The following HS6ST3 variants were observed in gnomAD, a reference collection of about 807,000 sequenced individuals.
HS6ST3 encodes heparan sulfate 6-O-sulfotransferase 3.
Under a neutral mutation model 36.7 loss-of-function variants are expected in HS6ST3, and 12 were observed. The ratio of observed to expected loss-of-function variants is 0.33; its 90% CI spans 0.21 to 0.53. HS6ST3 has a LOEUF of 0.53. Among genes scored for constraint, HS6ST3 ranks in the 20% least tolerant of loss-of-function variants. The pLI, the probability that HS6ST3 is intolerant of heterozygous loss-of-function variation, is 0.95. For synonymous variants in HS6ST3, 240 were observed against 257.5 expected (o/e 0.93, Z 0.65); for missense variants, 584 against 640.9 (o/e 0.91, Z 0.96).
intron 1 of HS6ST3, among the ~76,000 whole-genome samples, chr13:96,253,551 C>A (rs1368273466): frequency 6.6e-6 from 1 of 152,180 alleles, no homozygotes; most frequent in Admixed American, 6.5e-5. Context: ...AAAGTACTCT[C>A]ATCCATGAGT....
At chr13:96,609,476 G>C (rs1039815399) in intron 1 of HS6ST3, among the ~76,000 whole-genome samples, 1 of 152,104 alleles carries the variant, frequency 6.6e-6, no homozygotes, top group Admixed American at 6.5e-5. Context: ...TGCATTCAGA[G>C]AGATGACACT....
At chr13:96,228,846 T>G (rs2054493756) in intron 1 of HS6ST3, among the ~76,000 whole-genome samples, 1 of 152,066 alleles carries the variant, frequency 6.6e-6, no homozygotes, top group African/African-American at 2.4e-5. Context: ...AAAACCATAC[T>G]AATTCTCTGG....
intron 1 of HS6ST3, among the ~76,000 whole-genome samples, chr13:96,735,985 C>T (rs994341059): frequency 1.3e-5 from 2 of 152,130 alleles, no homozygotes; most frequent in Non-Finnish European, 2.9e-5. Flanking sequence ...CCAAATATGG[C>T]ATGTTCTCAC....
At chr13:96,267,078 T>C (rs2054696219) in intron 1 of HS6ST3, among the ~76,000 whole-genome samples, 1 of 152,168 alleles carries the variant, frequency 6.6e-6, no homozygotes, top group African/African-American at 2.4e-5. Flanking sequence ...GGTCTCATGA[T>C]AGTGAATAAG....
chr13:96,508,398 T>C (rs981782366), intron 1 of HS6ST3, among the ~76,000 whole-genome samples: 2 of 152,082 alleles, frequency 1.3e-5, no homozygotes, highest in Non-Finnish European at 2.9e-5. Flanking sequence ...ACAGTAGCTT[T>C]TGGGGCACTA....
At position 96,792,100 on chromosome 13, in the gene HS6ST3, T is replaced by A. The variant is rs1261005931; in HGVS notation, c.708-40390T>A. Among the ~76,000 whole-genome samples the A allele has an allele frequency of 4.6e-5, 7 of 152,050 alleles. No homozygotes were observed. In the East Asian group the frequency reaches 1.4e-3, roughly 29 times the overall value. ...CTCTAGGTCTAAAATGAAAAATAAT[T>A]GTCATTTCACTACAAGTTAAAAGAA... On this transcript the variant is annotated intron_variant, in intron 1 of 1. Coordinates refer to ENST00000376705, the MANE Select transcript of HS6ST3 (RefSeq NM_153456.4).
At chr13:96,293,221 T>C (rs1409537777) in intron 1 of HS6ST3, among the ~76,000 whole-genome samples, 1 of 152,148 alleles carries the variant, frequency 6.6e-6, no homozygotes, top group South Asian at 2.1e-4. Context: ...ACTCTACTAA[T>C]AGTTTTTGAA....
At chr13:96,328,188 A>AT (rs1463991573) in intron 1 of HS6ST3, among the ~76,000 whole-genome samples, 2 of 143,046 alleles carry the variant, frequency 1.4e-5, no homozygotes, top group Non-Finnish European at 3.1e-5. Flanking sequence ...CTCCTGCCTA[A>AT]TTGCCCTGGC....
intron 1 of HS6ST3, among the ~76,000 whole-genome samples, chr13:96,541,514 G>A (rs1377734369): frequency 1.3e-5 from 2 of 152,062 alleles, no homozygotes; most frequent in African/African-American, 4.8e-5. Flanking sequence ...CTGATTTTAG[G>A]GCTTAACACA....
chr13:96,139,567 A>AAAAAAAAAAAAAAAAAAAAAAAAAAAT (rs1491242538), intron 1 of HS6ST3, among the ~76,000 whole-genome samples: 4 of 138,696 alleles, frequency 2.9e-5, no homozygotes, highest in African/African-American at 1.1e-4. Flanking sequence ...AAAAAAAAAA[A>AAAAAAAAAAAAAAAAAAAAAAAAAAAT]TCCATGTATA....
intron 1 of HS6ST3, among the ~76,000 whole-genome samples, chr13:96,445,246 A>G (rs939628706): frequency 1.5e-4 from 23 of 152,206 alleles, no homozygotes; most frequent in Non-Finnish European, 2.9e-5. Context: ...AGAAGAAAAC[A>G]TTGAAGCTAT....
chr13:96,300,753 T>C (rs966348766), intron 1 of HS6ST3, among the ~76,000 whole-genome samples: 15 of 152,208 alleles, frequency 9.9e-5, no homozygotes, highest in Non-Finnish European at 7.3e-5. Context: ...TCATAAAATA[T>C]GTTTGCTCTG....
intron 1 of HS6ST3, among the ~76,000 whole-genome samples, chr13:96,409,754 C>T (rs2055497876): frequency 6.6e-6 from 1 of 152,106 alleles, no homozygotes; most frequent in South Asian, 2.1e-4. Flanking sequence ...TGGAATTAGA[C>T]ACCAAGAAGT....
chr13:96,810,153 C>T lies in HS6ST3; in HGVS notation c.708-22337C>T, dbSNP rs117547277. On this transcript the variant is annotated intron_variant, in intron 1 of 1. Coordinates refer to ENST00000376705, the MANE Select transcript of HS6ST3 (RefSeq NM_153456.4). Reference sequence around the variant, plus strand: ...CAGAGGCCGCTGTGAGGCACCCCAGCCTCCCGGGCAGCCTGACAGAACTAA... The same window carrying T: ...CAGAGGCCGCTGTGAGGCACCCCAGTCTCCCGGGCAGCCTGACAGAACTAA... 7.0e-4 allele frequency among the ~76,000 whole-genome samples: 107 copies of T among 152,286 alleles called. 1 individual carries two copies. The East Asian group carries it at 0.019, about 27-fold the overall frequency.
At chr13:96,316,238 A>G (rs1331878156) in intron 1 of HS6ST3, among the ~76,000 whole-genome samples, 1 of 151,500 alleles carries the variant, frequency 6.6e-6, no homozygotes, top group Non-Finnish European at 1.5e-5. Context: ...ATGTGCATAT[A>G]CACATGCACT....
chr13:96,386,942 T>C (rs563479543), intron 1 of HS6ST3, among the ~76,000 whole-genome samples: 21 of 152,304 alleles, frequency 1.4e-4, no homozygotes, highest in Non-Finnish European at 1.5e-4. Context: ...TCTCTCTTTT[T>C]TTTGGAAACA....
At chr13:96,764,055 C>A (rs1201301955) in intron 1 of HS6ST3, among the ~76,000 whole-genome samples, 2 of 152,146 alleles carry the variant, frequency 1.3e-5, no homozygotes, top group Non-Finnish European at 2.9e-5. Flanking sequence ...TAAAATGGTT[C>A]ATAGTGTTCT....
intron 1 of HS6ST3, among the ~76,000 whole-genome samples, chr13:96,359,506 C>T (rs746608220): frequency 2.0e-5 from 3 of 152,180 alleles, no homozygotes; most frequent in Non-Finnish European, 4.4e-5. Flanking sequence ...GTGTGATTCT[C>T]ATATGAGCAG....
intron 1 of HS6ST3, among the ~76,000 whole-genome samples, chr13:96,702,582 G>C (rs951105588): frequency 3.3e-5 from 5 of 152,120 alleles, no homozygotes; most frequent in African/African-American, 1.2e-4. Flanking sequence ...ACTACCTTGG[G>C]TATCAGCACA....
Sources: gnomAD v4.1 joint callset for allele counts (sites outside exome capture counted in the v4.1 genomes callset) on GRCh38, gnomAD v4.1.1 for gene constraint, MANE v1.5 for transcripts, NCBI Gene and HGNC (gene_info 2026-07-23, HGNC 2026-07-21) for gene names.